The following CORIN variants were observed in gnomAD, a reference collection of about 807,000 sequenced individuals.
The protein encoded by CORIN is atrial natriuretic peptide-converting enzyme.
Under a neutral mutation model 125.3 loss-of-function variants are expected in CORIN, and 117 were observed. The ratio of observed to expected loss-of-function variants is 0.93; its 90% CI spans 0.80 to 1.09. The LOEUF (loss-of-function observed/expected upper bound fraction) is 1.09. CORIN is among the 50% of genes least tolerant of loss of function. CORIN has a pLI of 0.00. For synonymous variants in CORIN, 450 were observed against 466.4 expected (o/e 0.96, Z 0.45); for missense variants, 1,253 against 1,306.7 (o/e 0.96, Z 0.63).
intron 5 of CORIN, among the ~76,000 whole-genome samples, chr4:47,713,260 A>G (rs1037116022): frequency 1.3e-5 from 2 of 152,230 alleles, no homozygotes; most frequent in Non-Finnish European, 2.9e-5. Flanking sequence ...GAACGTGAAT[A>G]ATGAATAAGA....
chr4:47,677,638 G>A (rs1725084106), intron 9 of CORIN, among the ~76,000 whole-genome samples: 1 of 152,078 alleles, frequency 6.6e-6, no homozygotes, highest in Admixed American at 6.5e-5. Context: ...TGATTTAATT[G>A]GATGCTATAC....
chr4:47,692,493 T>C (rs1725813889), intron 6 of CORIN, among the ~76,000 whole-genome samples: 1 of 152,090 alleles, frequency 6.6e-6, no homozygotes, highest in Non-Finnish European at 1.5e-5. Context: ...AGGCTGAATC[T>C]ACTGATTAGT....
intron 6 of CORIN, among the ~76,000 whole-genome samples, chr4:47,687,392 C>A (rs1287970490): frequency 6.6e-6 from 1 of 152,186 alleles, no homozygotes; most frequent in Admixed American, 6.5e-5. Flanking sequence ...AAGCTGCTTG[C>A]TGTGATTTTC....
Position 47,603,637 on chromosome 4 carries a change from G to A in CORIN, c.2572C>T (p.Leu858Phe). 6.2e-7 allele frequency: 1 copy of A among 1,614,040 alleles called. No individual in the cohort carries two copies. Among genetic ancestry groups the A allele is most frequent in the Non-Finnish European group, 8.5e-7 (1 of 1,179,902 alleles). ...GGATGGTCTAGATTGTTGATGCCAA[G>A]CACCACTTTCCAAACTGCAGCATTC... ...RENAAVWKVV[L>F]GINNLDHPSV... The change falls in exon 20 of 22, where the codon CTT (leucine) becomes TTT (phenylalanine). Residue 858 changes from leucine to phenylalanine, a missense_variant. Leu to Phe is a conservative substitution (Grantham distance 22). Coordinates refer to ENST00000273857, the MANE Select transcript of CORIN (RefSeq NM_006587.4).
chr4:47,808,613 GGTTAAT>G (rs1336947672), intron 1 of CORIN, among the ~76,000 whole-genome samples: 1 of 152,138 alleles, frequency 6.6e-6, no homozygotes, highest in Non-Finnish European at 1.5e-5. Flanking sequence ...TCATTTCCTA[GGTTAAT>G]GTCTTACTGA....
At position 47,595,832 on chromosome 4, in the gene CORIN, C is replaced by T. The variant is rs751199652; in HGVS notation, c.3018G>A (p.Trp1006Ter). 6.2e-7 allele frequency: 1 copy of T among 1,613,778 alleles called. No individual in the cohort carries two copies. The highest frequency in any genetic ancestry group is 1.7e-5 in the Admixed American group (1 of 59,954). ...GGACTTTGGAAAAGCAGACGGAGCC[C>T]CATGAAGTTAATCCAAATAATGTCC... ...GRWTLFGLTS[W>*]GSVCFSKVLG... is the part of the protein sequence containing the mutation. Residue 1006 changes from tryptophan to a stop codon, truncating the protein, a stop_gained, in exon 22 of 22, where the codon TGG becomes TGA. Transcript: ENST00000273857. LOFTEE classifies it high-confidence loss of function.
intron 16 of CORIN, among the ~76,000 whole-genome samples, chr4:47,627,007 G>A (rs922856152): frequency 2.7e-5 from 4 of 150,768 alleles, no homozygotes; most frequent in Non-Finnish European, 4.4e-5. Context: ...TTTTTTTGAT[G>A]AAGTCTTGCT....
chr4:47,721,166 C>CAGAGAG (rs78663098), intron 5 of CORIN, among the ~76,000 whole-genome samples: 1 of 149,392 alleles, frequency 6.7e-6, no homozygotes, highest in African/African-American at 2.4e-5. Flanking sequence ...CATGTACAGA[C>CAGAGAG]AGAGAGAGAG....
At chr4:47,830,971 T>C (rs1156421784) in intron 1 of CORIN, among the ~76,000 whole-genome samples, 1 of 152,216 alleles carries the variant, frequency 6.6e-6, no homozygotes, top group Non-Finnish European at 1.5e-5. Context: ...GAAGGGACCC[T>C]GGGCTAAGGA....
intron 5 of CORIN, among the ~76,000 whole-genome samples, chr4:47,714,555 C>G (rs1467648883): frequency 1.3e-5 from 2 of 152,164 alleles, no homozygotes; most frequent in East Asian, 3.8e-4. Context: ...CAGAGTTAAC[C>G]TAGAACAGAG....
intron 19 of CORIN, among the ~76,000 whole-genome samples, chr4:47,622,118 C>T (rs35520390): frequency 0.27 from 37,987 of 143,300 alleles, 5,007 homozygotes; most frequent in Admixed American, 0.34. Flanking sequence ...TTTGTTCTTG[C>T]GATAGTTTAC....
At chr4:47,637,014 C>T (rs1057220140) in intron 16 of CORIN, among the ~76,000 whole-genome samples, 4 of 152,066 alleles carry the variant, frequency 2.6e-5, no homozygotes, top group East Asian at 1.9e-4. Flanking sequence ...ATGCTGATAG[C>T]GATATGGACA....
chr4:47,601,457 C>T (rs1721445826), intron 20 of CORIN, among the ~76,000 whole-genome samples: 2 of 152,106 alleles, frequency 1.3e-5, no homozygotes, highest in Admixed American at 1.3e-4. Flanking sequence ...ATCCTCCCAC[C>T]TCAGCCTCCC....
At chr4:47,744,380 G>A (rs751908590) in intron 5 of CORIN, 22 bp downstream of exon 5, 1 of 1,603,226 alleles carries the variant, frequency 6.2e-7, no homozygotes, top group Non-Finnish European at 8.5e-7. Context: ...TTCTAAAAAT[G>A]AAATGAAACA....
chr4:47,837,009 T>A (rs1733464487), intron 1 of CORIN, among the ~76,000 whole-genome samples: 1 of 152,182 alleles, frequency 6.6e-6, no homozygotes, highest in South Asian at 2.1e-4. Context: ...AAATTAGACC[T>A]TCTTCCTGGG....
chr4:47,777,509 T>A (rs6845065), intron 3 of CORIN, among the ~76,000 whole-genome samples: 71 of 152,292 alleles, frequency 4.7e-4, no homozygotes, highest in Middle Eastern at 3.4e-3. Flanking sequence ...CACACACCTG[T>A]TATCCCAGCT....
chr4:47,702,116 T>A (rs1726323592), intron 5 of CORIN, among the ~76,000 whole-genome samples: 2 of 152,174 alleles, frequency 1.3e-5, no homozygotes, highest in Admixed American at 1.3e-4. Flanking sequence ...ACTTAGTTTC[T>A]TTAAAAAAAT....
intron 3 of CORIN, among the ~76,000 whole-genome samples, chr4:47,781,555 T>A (rs1001250791): frequency 6.6e-6 from 1 of 152,252 alleles, no homozygotes; most frequent in African/African-American, 2.4e-5. Flanking sequence ...AGGTTCGATG[T>A]ATTAAATGTA....
chr4:47,757,349 T>C (rs1729196646), intron 4 of CORIN, among the ~76,000 whole-genome samples: 1 of 152,094 alleles, frequency 6.6e-6, no homozygotes, highest in Non-Finnish European at 1.5e-5. Flanking sequence ...ATCCCAGTAC[T>C]TTGGGAGGCT....
Sources: gnomAD v4.1 joint callset for allele counts (sites outside exome capture counted in the v4.1 genomes callset) on GRCh38, gnomAD v4.1.1 for gene constraint, MANE v1.5 for transcripts, NCBI Gene and HGNC (gene_info 2026-07-23, HGNC 2026-07-21) for gene names.